The following EXD2 variants were observed in gnomAD, a reference collection of about 807,000 sequenced individuals.
EXD2 encodes exonuclease 3'-5' domain-containing protein 2.
In EXD2, 40 loss-of-function variants were observed where a neutral mutation model predicts 62.5. That is an observed-to-expected ratio of 0.64 (90% CI 0.50 to 0.83). The LOEUF (loss-of-function observed/expected upper bound fraction) is 0.83, where lower values mean the gene tolerates loss of function less well. Among genes scored for constraint, EXD2 ranks in the 40% least tolerant of loss-of-function variants. The probability of loss-of-function intolerance (pLI) is 0.00; values close to 1 mark genes in which losing one functional copy is unlikely to be tolerated. For missense variants in EXD2, 671 were observed against 761.8 expected (o/e 0.88, Z 1.40); for synonymous variants, 239 against 291.9 (o/e 0.82, Z 1.85).
At chr14:69,237,443 G>T in intron 8 of EXD2, 132 bp from the exon 9 acceptor site, 1 of 755,354 alleles carries the variant, frequency 1.3e-6, no homozygotes, top group East Asian at 2.5e-5. Context: ...TGTGATCTGT[G>T]TTGGGCGGTG....
Position 69,209,694 on chromosome 14 carries a change from T to C in EXD2, c.224T>C (p.Leu75Pro). The C allele has an allele frequency of 6.4e-7, 1 of 1,550,514 alleles. No individual in the cohort carries two copies. Among genetic ancestry groups the C allele is most frequent in the Non-Finnish European group, 8.7e-7 (1 of 1,146,966 alleles). Residue 75 changes from leucine to proline, a missense_variant, in exon 3 of 10, where the codon CTT becomes CCT. Physicochemically the swap from Leu to Pro is moderately conservative, Grantham distance 98. Transcript: ENST00000685843. ...APRSSWKERILKAKVVTVSQE... is the reference protein window; with the variant it reads ...APRSSWKERIPKAKVVTVSQE... ...AGATCCTCGTGGAAGGAACGGATCC[T>C]TAAAGCAAAGGTGGTGACGGTGTCT...
chr14:69,226,799 A>G (rs979496281), intron 3 of EXD2, among the ~76,000 whole-genome samples: 8 of 146,622 alleles, frequency 5.5e-5, no homozygotes, highest in South Asian at 2.2e-4. Context: ...TTTTAACAGC[A>G]GTTCTTTTGT....
intron 5 of EXD2, among the ~76,000 whole-genome samples, chr14:69,232,097 C>G (rs2043605163): frequency 1.3e-5 from 2 of 152,036 alleles, no homozygotes; most frequent in African/African-American, 4.8e-5. Flanking sequence ...CTCCCTTAAT[C>G]CCCCTTTCTT....
At chr14:69,200,663 C>T (rs993104582) in intron 1 of EXD2, among the ~76,000 whole-genome samples, 1 of 151,320 alleles carries the variant, frequency 6.6e-6, no homozygotes, top group South Asian at 2.1e-4. Flanking sequence ...GAGCCAAGAT[C>T]GCGCCACTGC....
chr14:69,201,865 T>C (rs1272773400), intron 1 of EXD2, among the ~76,000 whole-genome samples: 2 of 151,736 alleles, frequency 1.3e-5, no homozygotes, highest in East Asian at 1.9e-4. Context: ...GTAATCTTAG[T>C]AGAGATGGGG....
chr14:69,228,256 A>G (rs868102692), intron 3 of EXD2, among the ~76,000 whole-genome samples: 58 of 138,794 alleles, frequency 4.2e-4, no homozygotes, highest in Admixed American at 2.0e-3. Context: ...CAGTGGCGCA[A>G]TCTCGGCTCA....
chr14:69,218,619 A>G (rs1255598890), intron 3 of EXD2, among the ~76,000 whole-genome samples: 2 of 151,304 alleles, frequency 1.3e-5, no homozygotes, highest in Non-Finnish European at 3.0e-5. Flanking sequence ...ATGTCCTGGC[A>G]TGGACAAGGT....
At chr14:69,219,511 G>A (rs1429275433) in intron 3 of EXD2, among the ~76,000 whole-genome samples, 1 of 152,308 alleles carries the variant, frequency 6.6e-6, no homozygotes, top group South Asian at 2.1e-4. Context: ...TATATATCCA[G>A]TAGTGGAATT....
At chr14:69,225,680 T>C (rs1429816987) in intron 3 of EXD2, among the ~76,000 whole-genome samples, 1 of 152,218 alleles carries the variant, frequency 6.6e-6, no homozygotes, top group Non-Finnish European at 1.5e-5. Context: ...CACTTTTTAA[T>C]AATGTTGATA....
At position 69,209,730 on chromosome 14, in the gene EXD2, A is replaced by G; in HGVS notation, c.260A>G (p.Glu87Gly). Residue 87 changes from glutamate to glycine, a missense_variant, in exon 3 of 10, where the codon GAG becomes GGG. Transcript: ENST00000685843. ...GTGGTGACGGTGTCTCAGGAGGCAG[A>G]GTGGGATCAAATCGAGCCCTTGCTT... is the stretch of plus-strand genomic sequence containing the variant. Reference protein sequence around the residue: ...AKVVTVSQEAEWDQIEPLLRS... With the variant: ...AKVVTVSQEAGWDQIEPLLRS... 1 of 1,546,998 alleles carries G rather than the reference A, an allele frequency of 6.5e-7. No homozygotes were observed. The highest frequency in any genetic ancestry group is 1.2e-5 in the South Asian group (1 of 83,878).
intron 8 of EXD2, 114 bp downstream of exon 8, chr14:69,236,656 C>T: frequency 1.4e-6 from 2 of 1,390,496 alleles, no homozygotes; most frequent in South Asian, 1.3e-5. Context: ...GGCTGAGAGG[C>T]TTGTTCCTAG....
At chr14:69,235,587 A>T (rs2043753548) in intron 6 of EXD2, 2 of 256,814 alleles carry the variant, frequency 7.8e-6, no homozygotes, top group Non-Finnish European at 1.5e-5. Flanking sequence ...TGGTCCCTGT[A>T]GCAAAGTGCC....
chr14:69,224,908 G>A (rs1366833255), intron 3 of EXD2, among the ~76,000 whole-genome samples: 1 of 151,218 alleles, frequency 6.6e-6, no homozygotes, highest in Non-Finnish European at 1.5e-5. Flanking sequence ...GAACCCGGGA[G>A]GCAGAGGTTG....
Position 69,237,608 on chromosome 14 carries a change from C to T in EXD2, c.1326C>T (p.His442=), listed in dbSNP as rs1450135478. The change falls in exon 9 of 10, where the codon CAC becomes CAT. Residue 442 remains histidine (H), a synonymous_variant. Transcript: ENST00000685843. ...TGATTCCACATGAGTACCGGAAGCACTTCCCCATCGAGATGAAGGACCACA... is the reference window on the plus strand; with the variant it reads ...TGATTCCACATGAGTACCGGAAGCATTTCCCCATCGAGATGAAGGACCACA... ...KNVIPHEYRK[H]FPIEMKDHNS... 1 of 1,614,246 alleles carries T rather than the reference C, an allele frequency of 6.2e-7. No homozygotes were observed. Among genetic ancestry groups the T allele is most frequent in the Non-Finnish European group, 8.5e-7 (1 of 1,180,038 alleles).
intron 3 of EXD2, chr14:69,224,343 C>A (rs2043289515): frequency 6.6e-6 from 1 of 152,210 alleles, no homozygotes; most frequent in African/African-American, 2.4e-5. Flanking sequence ...AGAACTCACT[C>A]AGTATACAGT....
intron 2 of EXD2, among the ~76,000 whole-genome samples, chr14:69,205,074 A>T (rs1258375615): frequency 6.6e-6 from 1 of 152,212 alleles, no homozygotes; most frequent in East Asian, 1.9e-4. Flanking sequence ...CTTTTTGTGA[A>T]TAGATTTAAT....
At chr14:69,205,032 T>C (rs10150493) in intron 2 of EXD2, among the ~76,000 whole-genome samples, 109,741 of 152,104 alleles carry the variant, frequency 0.72, 40,761 homozygotes, top group East Asian at 1. Context: ...CTGTTACAAA[T>C]AAGTAACTGC....
chr14:69,214,988 A>T (rs1475940952), intron 3 of EXD2, among the ~76,000 whole-genome samples: 1 of 152,094 alleles, frequency 6.6e-6, no homozygotes, highest in East Asian at 1.9e-4. Flanking sequence ...TATATATATA[A>T]AATACAGTAT....
At chr14:69,207,542 A>T (rs2140227640) in intron 2 of EXD2, among the ~76,000 whole-genome samples, 1 of 152,280 alleles carries the variant, frequency 6.6e-6, no homozygotes, top group South Asian at 2.1e-4. Context: ...ATAGTAATAA[A>T]AACCATACAC....
Sources: allele counts gnomAD v4.1 joint callset (sites outside exome capture counted in the v4.1 genomes callset), GRCh38; gene constraint gnomAD v4.1.1; transcripts MANE v1.5; gene names NCBI Gene and HGNC (gene_info 2026-07-23, HGNC 2026-07-21).